KCNK2: variants seen among roughly 807,000 people sequenced by gnomAD.
KCNK2 encodes the protein potassium two pore domain channel subfamily K member 2.
A neutral mutation model predicts 40.5 loss-of-function variants in KCNK2; 21 were observed. That is an observed-to-expected ratio of 0.52 (90% CI 0.37 to 0.75). KCNK2 has a LOEUF of 0.75. Ranked by LOEUF, KCNK2 falls within the 30% of genes least tolerant of loss-of-function variation. The probability of loss-of-function intolerance (pLI) is 0.00; values close to 1 mark genes in which losing one functional copy is unlikely to be tolerated. For synonymous variants in KCNK2, 191 were observed against 202.2 expected, an observed-to-expected ratio of 0.94 and a Z score of 0.47; for missense variants, 399 against 531.6, an observed-to-expected ratio of 0.75 and a Z score of 2.45.
chr1:215,177,433 C>T (rs188124619), intron 5 of KCNK2, among the ~76,000 whole-genome samples: 110 of 152,118 alleles, frequency 7.2e-4, no homozygotes, highest in African/African-American at 2.1e-3. Flanking sequence ...TTTCCCAAGG[C>T]TGATGTCCAG....
intron 1 of KCNK2, chr1:215,083,809 C>T (rs1659296603): frequency 3.1e-6 from 1 of 325,960 alleles, no homozygotes; most frequent in African/African-American, 2.1e-5. Flanking sequence ...CTGAAAAAAG[C>T]TTGCTTCCGC....
chr1:215,066,858 T>C (rs1658565339), intron 1 of KCNK2, among the ~76,000 whole-genome samples: 1 of 152,220 alleles, frequency 6.6e-6, no homozygotes, highest in Admixed American at 6.5e-5. Context: ...TCTGCATGTC[T>C]CAACATGCGT....
At chr1:215,175,859 C>T (rs368195790) in intron 5 of KCNK2, among the ~76,000 whole-genome samples, 4 of 152,102 alleles carry the variant, frequency 2.6e-5, no homozygotes, top group South Asian at 2.1e-4. Context: ...CAAAGTATTC[C>T]GTGGTGTGTA....
At chr1:215,045,165 C>T (rs1458146788) in intron 1 of KCNK2, among the ~76,000 whole-genome samples, 1 of 149,996 alleles carries the variant, frequency 6.7e-6, no homozygotes, top group Non-Finnish European at 1.5e-5. Flanking sequence ...GCCTGGGCGA[C>T]AGAGCGAGAC....
intron 6 of KCNK2, among the ~76,000 whole-genome samples, chr1:215,209,460 T>TATATAA (rs1665507847): frequency 1.9e-3 from 8 of 4,280 alleles, no homozygotes; most frequent in African/African-American, 2.3e-3. Context: ...ATATTATATA[T>TATATAA]TATATATAAT....
At chr1:215,110,623 G>C (rs942857184) in intron 2 of KCNK2, among the ~76,000 whole-genome samples, 1 of 151,770 alleles carries the variant, frequency 6.6e-6, no homozygotes, top group African/African-American at 2.4e-5. Flanking sequence ...TTTTTGTTTT[G>C]TTCTAGATTT....
At chr1:215,208,184 A>T (rs192953249) in intron 6 of KCNK2, among the ~76,000 whole-genome samples, 1 of 152,350 alleles carries the variant, frequency 6.6e-6, no homozygotes, top group Admixed American at 6.5e-5. Flanking sequence ...GCCATAAAAA[A>T]GAATGAGATT....
intron 3 of KCNK2, among the ~76,000 whole-genome samples, chr1:215,157,345 C>G (rs1228139807): frequency 6.6e-6 from 1 of 152,122 alleles, no homozygotes; most frequent in Non-Finnish European, 1.5e-5. Context: ...TAGAGCCCCC[C>G]AAACAGCTGC....
At chr1:215,010,121 G>A (rs894735840) in intron 1 of KCNK2, among the ~76,000 whole-genome samples, 2 of 152,254 alleles carry the variant, frequency 1.3e-5, no homozygotes, top group African/African-American at 4.8e-5. Context: ...CTGTTTATTT[G>A]AGTCTAGTAA....
chr1:215,180,469 T>G (rs1238915448), intron 5 of KCNK2, among the ~76,000 whole-genome samples: 1 of 152,222 alleles, frequency 6.6e-6, no homozygotes, highest in Non-Finnish European at 1.5e-5. Context: ...GCTATATACT[T>G]AAGTGTGTTT....
chr1:215,197,653 C>T (rs189115283), intron 6 of KCNK2, among the ~76,000 whole-genome samples: 4 of 152,222 alleles, frequency 2.6e-5, no homozygotes, highest in African/African-American at 9.6e-5. Flanking sequence ...CAAATCAGGC[C>T]ATAACACCAT....
chr1:215,180,099 A>G (rs1218684049), intron 5 of KCNK2, among the ~76,000 whole-genome samples: 2 of 152,052 alleles, frequency 1.3e-5, no homozygotes, highest in Non-Finnish European at 2.9e-5. Context: ...CGAACCTCTT[A>G]TCCTTATGTA....
chr1:215,207,422 A>G (rs1665362215), intron 6 of KCNK2, among the ~76,000 whole-genome samples: 2 of 152,342 alleles, frequency 1.3e-5, no homozygotes, highest in South Asian at 4.1e-4. Flanking sequence ...TGTCCGTGGA[A>G]AAGTTATCTT....
At chr1:215,169,609 G>C (rs11799754) in intron 4 of KCNK2, among the ~76,000 whole-genome samples, 11,904 of 150,374 alleles carry the variant, frequency 0.079, 511 homozygotes, top group Middle Eastern at 0.11. Flanking sequence ...AAAAGTCTTA[G>C]ATTCAAATTT....
intron 1 of KCNK2, among the ~76,000 whole-genome samples, chr1:215,021,152 G>A (rs1386853460): frequency 6.6e-6 from 1 of 152,122 alleles, no homozygotes; most frequent in Non-Finnish European, 1.5e-5. Context: ...GCTTCAGGTA[G>A]TCATATTAAG....
chr1:215,094,861 C>A (rs1659910895), intron 2 of KCNK2, among the ~76,000 whole-genome samples: 1 of 151,812 alleles, frequency 6.6e-6, no homozygotes, highest in South Asian at 2.1e-4. Flanking sequence ...AAAATAATGG[C>A]TAGAATATTA....
chr1:215,182,870 C>G (rs1382229259), intron 5 of KCNK2, among the ~76,000 whole-genome samples: 1 of 152,164 alleles, frequency 6.6e-6, no homozygotes, highest in African/African-American at 2.4e-5. Flanking sequence ...AAGCTCTCCC[C>G]AAGTTAGTTC....
At chr1:215,093,976 ATT>A (rs1489169404) in intron 2 of KCNK2, among the ~76,000 whole-genome samples, 2 of 133,254 alleles carry the variant, frequency 1.5e-5, no homozygotes, top group Admixed American at 9.1e-5. Context: ...ATATATATAT[ATT>A]GTATATGGTT....
Position 215,083,219 on chromosome 1 carries a change from CA to C in KCNK2, c.-166del. Reference sequence around the variant, plus strand: ...TCCCCCCCCCGCCCCCTCCCGCGTCCAGCCCCGCTCTCCCCACCTTGTAAAA... The same window carrying C: ...TCCCCCCCCCGCCCCCTCCCGCGTCCGCCCCGCTCTCCCCACCTTGTAAAA... On this transcript the variant is annotated 5_prime_UTR_variant, in exon 1 of 7. Coordinates refer to ENST00000444842, the MANE Select transcript of KCNK2 (RefSeq NM_001017425.3). 4 of 1,402,664 alleles carry C rather than the reference CA, an allele frequency of 2.9e-6. No individual in the cohort carries two copies. Among genetic ancestry groups the C allele is most frequent in the East Asian group, 2.6e-5 (1 of 38,666 alleles). The allele number at this position is 1,402,664 out of a possible 1,614,324, so 86.9% of individuals were successfully genotyped here.
Sources: gnomAD v4.1 joint callset for allele counts (sites outside exome capture counted in the v4.1 genomes callset) on GRCh38, gnomAD v4.1.1 for gene constraint, MANE v1.5 for transcripts, NCBI Gene and HGNC (gene_info 2026-07-23, HGNC 2026-07-21) for gene names.